ALG8: variants seen among roughly 807,000 people sequenced by gnomAD.
ALG8 encodes ALG8 alpha-1,3-glucosyltransferase.
In ALG8, 48 loss-of-function variants were observed where a neutral mutation model predicts 70.2. The observed-to-expected ratio is 0.68, with a 90% CI of 0.54 to 0.87. ALG8 has a LOEUF of 0.87. Ranked by LOEUF, ALG8 falls within the 40% of genes least tolerant of loss-of-function variation. The pLI is 0.00. For missense variants in ALG8, 572 were observed against 608.7 expected, an observed-to-expected ratio of 0.94 and a Z score of 0.64; for synonymous variants, 234 against 229.0, an observed-to-expected ratio of 1.02 and a Z score of -0.20.
At chr11:78,120,285 T>C (rs113884253) in intron 4 of ALG8, among the ~76,000 whole-genome samples, 4,737 of 152,278 alleles carry the variant, frequency 0.031, 256 homozygotes, top group African/African-American at 0.11. Flanking sequence ...AAGAAGTTTT[T>C]TGTTTTTTAG....
Position 78,138,378 on chromosome 11 carries a change from A to C in ALG8, c.95+1116T>G, listed in dbSNP as rs528928822. 2.6e-5 allele frequency among the ~76,000 whole-genome samples: 4 copies of C among 152,198 alleles called. No individual in the cohort carries two copies. The East Asian group carries it at 5.8e-4, about 22-fold the overall frequency. On this transcript the variant is annotated intron_variant, in intron 1 of 12. Transcript: ENST00000299626. ...AAAAAAAAAAAAATAACAAACAAAA[A>C]AAACAACTCTGAGGATACATTTCTA... is the stretch of plus-strand genomic sequence containing the variant.
rs1038257482 is a variant in ALG8 at position 78,121,211 on chromosome 11, T to C, written c.369-37A>G. 7.7e-6 allele frequency: 11 copies of C among 1,432,010 alleles called. No individual in the cohort carries two copies. In the African/African-American group the frequency reaches 1.5e-4, roughly 20 times the overall value. The allele number at this position is 1,432,010 out of a possible 1,614,324, so 88.7% of individuals were successfully genotyped here. A position where few individuals can be genotyped will look rare whatever the true frequency, so the allele number is the denominator to read the frequency against. On this transcript the variant is annotated intron_variant, in intron 3 of 12. Coordinates refer to ENST00000299626, the MANE Select transcript of ALG8 (RefSeq NM_024079.5). The stretch of plus-strand genomic sequence containing the variant: ...CATTAGGAAAGAAACAGAAACAACT[T>C]TGATCTTCATCGGAACATCACTTCT...
intron 1 of ALG8, among the ~76,000 whole-genome samples, chr11:78,133,708 G>A (rs111635187): frequency 0.18 from 27,449 of 152,000 alleles, 2,979 homozygotes; most frequent in Middle Eastern, 0.29. Flanking sequence ...AGACCACCCT[G>A]GCTAACATGG....
rs1860468662 is a variant in ALG8 at position 78,114,533 on chromosome 11, T to G, written c.547-141A>C. On this transcript the variant is annotated intron_variant, in intron 5 of 12. Coordinates refer to ENST00000299626, the MANE Select transcript of ALG8 (RefSeq NM_024079.5). ...GAAATTCAAATGCATCAATATTGCT[T>G]TCTTAGTCTTGATGAATGTACCATG... The G allele has an allele frequency of 9.7e-6, 10 of 1,029,698 alleles. No homozygotes were observed. In the South Asian group the frequency reaches 1.4e-4, roughly 14 times the overall value. 63.8% of individuals were successfully genotyped at this position (1,029,698 alleles called of 1,614,324 possible). A position where few individuals can be genotyped will look rare whatever the true frequency, so the allele number is the denominator to read the frequency against.
chr11:78,111,615 T>C (rs1230778138), intron 8 of ALG8, among the ~76,000 whole-genome samples: 1 of 151,894 alleles, frequency 6.6e-6, no homozygotes, highest in Non-Finnish European at 1.5e-5. Context: ...AACAAATGTG[T>C]GCATACACAA....
Position 78,139,532 on chromosome 11 carries a change from G to A in ALG8, c.57C>T (p.Leu19=), listed in dbSNP as rs1203655113. The A allele has an allele frequency of 1.3e-6, 2 of 1,564,218 alleles. No homozygotes were observed. The highest frequency in any genetic ancestry group is 1.7e-6 in the Non-Finnish European group (2 of 1,153,836). Residue 19 remains leucine (L), a synonymous_variant, in exon 1 of 13, where the codon CTC becomes CTT. Coordinates refer to ENST00000299626, the MANE Select transcript of ALG8 (RefSeq NM_024079.5). ...GAAGGCATTTGAGAAGAGTCACCCC[G>A]AGCGCCAAAGCCGAAAACCAATTGC... ...GTGNWFSALA[L]GVTLLKCLLI...
chr11:78,101,129 G>T lies in ALG8; in HGVS notation c.1416C>A (p.Val472=). 1 of 1,614,202 alleles carries T rather than the reference G, an allele frequency of 6.2e-7. No homozygotes were observed. The highest frequency in any genetic ancestry group is 8.5e-7 in the Non-Finnish European group (1 of 1,180,034). Residue 472 remains valine (V), a synonymous_variant, in exon 13 of 13, where the codon GTC becomes GTA. Coordinates refer to ENST00000299626, the MANE Select transcript of ALG8 (RefSeq NM_024079.5). ...FYLLGLGPLE[V]CCEFVFPFTS... ...TGAAAGGGAATACAAATTCACAGCA[G>T]ACTTCCAGAGGCCCCAGGCCAAGCA...
chr11:78,111,576 T>C (rs962474821), intron 8 of ALG8, among the ~76,000 whole-genome samples: 7 of 152,218 alleles, frequency 4.6e-5, no homozygotes, highest in African/African-American at 1.7e-4. Flanking sequence ...CACTGAAGTA[T>C]GAATGGTTTT....
intron 1 of ALG8, chr11:78,139,176 G>A (rs922797399): frequency 4.9e-6 from 2 of 411,942 alleles, no homozygotes; most frequent in African/African-American, 4.1e-5. Flanking sequence ...ACGGTACCTG[G>A]CACCTCAGGC....
At chr11:78,112,863 A>G in intron 7 of ALG8, 93 bp from the exon 8 acceptor site, 2 of 1,491,518 alleles carry the variant, frequency 1.3e-6, no homozygotes, top group South Asian at 2.4e-5. Flanking sequence ...TATAGTGTGT[A>G]GAAAGTTATG....
chr11:78,136,436 C>G (rs1861555554), intron 1 of ALG8, among the ~76,000 whole-genome samples: 1 of 151,932 alleles, frequency 6.6e-6, no homozygotes, highest in Admixed American at 6.6e-5. Flanking sequence ...ATTCGGGAGG[C>G]TGAGGGAGGA....
In ALG8 at chr11:78,121,089, T is replaced by C; in HGVS notation, c.454A>G (p.Asn152Asp). 16 of 1,613,888 alleles carry C rather than the reference T, an allele frequency of 9.9e-6. No homozygotes were observed. The highest frequency in any genetic ancestry group is 1.4e-5 in the Non-Finnish European group (16 of 1,179,940). ...KFILSVLLLW[N>D]FGLLIVDHIH... ...CGGTCCACAATTAATAACCCGAAGT[T>C]CCACAGAAGTAATACCGACAGAATA... Residue 152 changes from asparagine to aspartate, a missense_variant, in exon 4 of 13, where the codon AAC becomes GAC. Coordinates refer to ENST00000299626, the MANE Select transcript of ALG8 (RefSeq NM_024079.5).
intron 5 of ALG8, chr11:78,114,802 C>A (rs1565351178): frequency 5.5e-6 from 2 of 363,330 alleles, no homozygotes; most frequent in Non-Finnish European, 5.4e-6. Flanking sequence ...CCTGTCTCTA[C>A]AAAAAAATAA....
chr11:78,103,868 T>C (rs776829238), intron 12 of ALG8, 112 bp downstream of exon 12: 3 of 588,264 alleles, frequency 5.1e-6, no homozygotes, highest in Admixed American at 3.3e-5. Context: ...TTTTTTGTAA[T>C]GTTGTCATAT....
Position 78,114,386 on chromosome 11 carries a change from G to A in ALG8, c.553C>T (p.His185Tyr), listed in dbSNP as rs1405824364. ...LSIARLFQKR[H>Y]MEGAFLFAVL... ...GCAAAGAGAAATGCTCCTTCCATATGCCTTTTCTAGGAGATTTAAAAGGGA... is the reference window on the plus strand; with the variant it reads ...GCAAAGAGAAATGCTCCTTCCATATACCTTTTCTAGGAGATTTAAAAGGGA... The change falls in exon 6 of 13, where the codon CAT becomes TAT. Residue 185 changes from histidine to tyrosine, a missense_variant. Coordinates refer to ENST00000299626, the MANE Select transcript of ALG8 (RefSeq NM_024079.5). 2 of 1,613,838 alleles carry A rather than the reference G, an allele frequency of 1.2e-6. No individual in the cohort carries two copies. The highest frequency in any genetic ancestry group is 1.7e-6 in the Non-Finnish European group (2 of 1,179,936).
chr11:78,136,239 G>A (rs968851040), intron 1 of ALG8, among the ~76,000 whole-genome samples: 1 of 151,740 alleles, frequency 6.6e-6, no homozygotes, highest in Admixed American at 6.6e-5. Flanking sequence ...CTTTGGAAGG[G>A]CTCACTTGAG....
intron 1 of ALG8, among the ~76,000 whole-genome samples, chr11:78,130,653 C>T (rs1861273415): frequency 6.6e-6 from 1 of 151,836 alleles, no homozygotes; most frequent in South Asian, 2.1e-4. Context: ...TATGGTTTTC[C>T]CTTCATCTCT....
intron 1 of ALG8, 151 bp from the exon 2 acceptor site, chr11:78,127,587 T>C: frequency 1.4e-6 from 1 of 723,196 alleles, no homozygotes; most frequent in Non-Finnish European, 2.4e-6. Flanking sequence ...CATAATCCTG[T>C]AAAACCTCAT....
At chr11:78,103,330 G>A (rs918644650) in intron 12 of ALG8, 1 of 152,288 alleles carries the variant, frequency 6.6e-6, no homozygotes, top group Non-Finnish European at 1.5e-5. Flanking sequence ...GTGTGGTAGT[G>A]ATGCATACCT....
Sources: gnomAD v4.1 joint callset for allele counts (sites outside exome capture counted in the v4.1 genomes callset) on GRCh38, gnomAD v4.1.1 for gene constraint, MANE v1.5 for transcripts, NCBI Gene and HGNC (gene_info 2026-07-23, HGNC 2026-07-21) for gene names.